CHSY3: variants seen among roughly 807,000 people sequenced by gnomAD.
CHSY3 encodes N-acetylgalactosaminyl-proteoglycan 3-beta-glucuronosyltransferase 3.
Under a neutral mutation model 67.2 loss-of-function variants are expected in CHSY3, and 35 were observed. The observed-to-expected ratio is 0.52, with a 90% confidence interval of 0.40 to 0.69. The LOEUF is 0.69. CHSY3 is among the 30% of genes least tolerant of loss of function. The probability of loss-of-function intolerance (pLI) is 0.00; values close to 1 mark genes in which losing one functional copy is unlikely to be tolerated. For synonymous variants in CHSY3, 474 were observed against 434.7 expected (o/e 1.09, Z -1.12); for missense variants, 1,069 against 1,138.5 (o/e 0.94, Z 0.88).
rs371467406 is a variant in CHSY3 at position 129,915,982 on chromosome 5, G to C, written c.1086+7622G>C. 1.3e-4 allele frequency among the ~76,000 whole-genome samples: 20 copies of C among 152,264 alleles called. No individual in the cohort carries two copies. The South Asian group carries it at 4.1e-3, about 32-fold the overall frequency. On this transcript the variant is annotated intron_variant, in intron 2 of 2. Transcript: ENST00000305031. ...TAGAGTAGCGTGGTTTAATTTGGAT[G>C]TTCCTTAATAATTCTCTCAATAGAA... is the stretch of plus-strand genomic sequence containing the variant.
chr5:130,075,628 G>C lies in CHSY3; in HGVS notation c.1087-108601G>C, dbSNP rs544453956. ...CCTCGGATTGCTTAGCATCTAGTTA[G>C]ATAAAGGTAAATCAATTTCATATGT... On this transcript the variant is annotated intron_variant, in intron 2 of 2. Transcript: ENST00000305031. 1.4e-4 allele frequency among the ~76,000 whole-genome samples: 22 copies of C among 152,228 alleles called. No homozygotes were observed. In the South Asian group the frequency reaches 2.9e-3, roughly 20 times the overall value.
At chr5:130,141,868 G>A (rs1344903050) in intron 2 of CHSY3, 5 of 277,062 alleles carry the variant, frequency 1.8e-5, no homozygotes, top group Non-Finnish European at 3.6e-5. Context: ...AGGCACACCA[G>A]AAGGAATGCC....
intron 2 of CHSY3, among the ~76,000 whole-genome samples, chr5:130,138,635 C>T (rs939459588): frequency 9.9e-5 from 15 of 152,154 alleles, no homozygotes; most frequent in Non-Finnish European, 1.6e-4. Flanking sequence ...GCAGTATTGG[C>T]TCAAGAGCTA....
chr5:130,080,090 A>G (rs571404256), intron 2 of CHSY3, among the ~76,000 whole-genome samples: 1 of 152,044 alleles, frequency 6.6e-6, no homozygotes, highest in Non-Finnish European at 1.5e-5. Flanking sequence ...ACATACATAC[A>G]TACACATACA....
At chr5:130,156,330 A>G (rs559528154) in intron 2 of CHSY3, among the ~76,000 whole-genome samples, 2 of 152,180 alleles carry the variant, frequency 1.3e-5, no homozygotes, top group African/African-American at 4.8e-5. Context: ...TGTGCAAGGC[A>G]TTTCATCATC....
chr5:129,943,900 A>G (rs1761770090), intron 2 of CHSY3, among the ~76,000 whole-genome samples: 1 of 152,246 alleles, frequency 6.6e-6, no homozygotes, highest in Non-Finnish European at 1.5e-5. Flanking sequence ...AATTAGATAA[A>G]TGCTAGGTGA....
chr5:130,091,146 G>GTGCACA (rs1554082168), intron 2 of CHSY3, among the ~76,000 whole-genome samples: 4 of 149,440 alleles, frequency 2.7e-5, no homozygotes. Flanking sequence ...GCACACGCGC[G>GTGCACA]CACACACACA....
intron 2 of CHSY3, among the ~76,000 whole-genome samples, chr5:130,090,989 C>A (rs1766858042): frequency 6.6e-6 from 1 of 152,014 alleles, no homozygotes; most frequent in East Asian, 1.9e-4. Flanking sequence ...TCTTTCCTTT[C>A]AAATCTGTGT....
chr5:129,923,823 C>A (rs979867699), intron 2 of CHSY3, among the ~76,000 whole-genome samples: 4 of 152,102 alleles, frequency 2.6e-5, no homozygotes, highest in East Asian at 1.9e-4. Flanking sequence ...GCTTTGCAGC[C>A]CTTTGTGAAA....
intron 2 of CHSY3, among the ~76,000 whole-genome samples, chr5:130,157,551 T>C (rs1388277428): frequency 1.3e-5 from 2 of 152,110 alleles, no homozygotes; most frequent in African/African-American, 2.4e-5. Flanking sequence ...AAGATTTTCG[T>C]TTAGTAGAGA....
chr5:129,990,216 TG>T (rs1287666728), intron 2 of CHSY3, among the ~76,000 whole-genome samples: 1 of 152,228 alleles, frequency 6.6e-6, no homozygotes, highest in African/African-American at 2.4e-5. Context: ...TAAAAACTTC[TG>T]GTAGCAAATC....
At chr5:130,142,781 A>G (rs775820657) in intron 2 of CHSY3, among the ~76,000 whole-genome samples, 22 of 152,154 alleles carry the variant, frequency 1.4e-4, no homozygotes, top group Non-Finnish European at 2.9e-4. Context: ...CTTCACCTTA[A>G]TAGCTGCTTT....
chr5:130,004,109 CT>C (rs1763808057), intron 2 of CHSY3, among the ~76,000 whole-genome samples: 1 of 152,112 alleles, frequency 6.6e-6, no homozygotes, highest in African/African-American at 2.4e-5. Flanking sequence ...TTTAAACTTG[CT>C]TTAAAATATT....
At chr5:130,183,284 T>C (rs983781095) in intron 2 of CHSY3, among the ~76,000 whole-genome samples, 1 of 152,190 alleles carries the variant, frequency 6.6e-6, no homozygotes, top group Non-Finnish European at 1.5e-5. Context: ...AGTGAATTTG[T>C]TCTAGACTAG....
intron 2 of CHSY3, among the ~76,000 whole-genome samples, chr5:129,993,978 T>A (rs1319821373): frequency 2.6e-5 from 4 of 152,176 alleles, no homozygotes; most frequent in African/African-American, 7.2e-5. Context: ...TGAAGCTTAG[T>A]TTGGCTGGAT....
At chr5:130,178,178 T>A (rs1189571844) in intron 2 of CHSY3, among the ~76,000 whole-genome samples, 7 of 120,250 alleles carry the variant, frequency 5.8e-5, no homozygotes, top group African/African-American at 2.1e-4. Context: ...TGTATATATA[T>A]GTGTGTGTGT....
chr5:130,117,511 C>T (rs181968842), intron 2 of CHSY3, among the ~76,000 whole-genome samples: 2 of 152,312 alleles, frequency 1.3e-5, no homozygotes, highest in Admixed American at 1.3e-4. Context: ...GACATTCTGT[C>T]AATAGTTACA....
At chr5:129,962,094 T>G (rs1409472960) in intron 2 of CHSY3, among the ~76,000 whole-genome samples, 1 of 151,980 alleles carries the variant, frequency 6.6e-6, no homozygotes, top group Non-Finnish European at 1.5e-5. Flanking sequence ...CCCAACCCTC[T>G]CAGAAAATTT....
chr5:129,957,234 A>G (rs1168465378), intron 2 of CHSY3, among the ~76,000 whole-genome samples: 1 of 151,974 alleles, frequency 6.6e-6, no homozygotes, highest in Non-Finnish European at 1.5e-5. Context: ...GCAATTGTGA[A>G]TGGGATTGTG....
Sources: gnomAD v4.1 joint callset for allele counts (sites outside exome capture counted in the v4.1 genomes callset) on GRCh38, gnomAD v4.1.1 for gene constraint, MANE v1.5 for transcripts, NCBI Gene and HGNC (gene_info 2026-07-23, HGNC 2026-07-21) for gene names.